The following LIPJ variants were observed in gnomAD, a reference collection of about 807,000 sequenced individuals.
LIPJ encodes lipase member J.
In LIPJ, 33 loss-of-function variants were observed where a neutral mutation model predicts 39.8. That is an observed-to-expected ratio of 0.83 (90% CI 0.63 to 1.11). The LOEUF (loss-of-function observed/expected upper bound fraction) is 1.11, where lower values mean the gene tolerates loss of function less well. Ranked by LOEUF, LIPJ falls within the 50% of genes least tolerant of loss-of-function variation. The pLI is 0.00. For synonymous variants in LIPJ, 128 were observed against 139.2 expected (o/e 0.92, Z 0.57); for missense variants, 422 against 427.9 (o/e 0.99, Z 0.12).
At chr10:88,589,731 T>A (rs1388153739) in intron 2 of LIPJ, among the ~76,000 whole-genome samples, 1 of 151,780 alleles carries the variant, frequency 6.6e-6, no homozygotes, top group Non-Finnish European at 1.5e-5. Context: ...ATAAGGAGGA[T>A]TGTTACATAT....
the LIPJ span, among the ~76,000 whole-genome samples, chr10:88,616,492 C>T: frequency 5.3e-5 from 8 of 152,260 alleles, no homozygotes; most frequent in Non-Finnish European, 7.3e-5. Flanking sequence ...CAGTTGGCGC[C>T]GAGCGCCCTT....
chr10:88,608,780 C>T (rs1437715826), downstream of LIPJ, among the ~76,000 whole-genome samples: 4 of 152,086 alleles, frequency 2.6e-5, no homozygotes, highest in Non-Finnish European at 5.9e-5. Context: ...GGCAGGGATC[C>T]TAAGGACTTC....
intron 10 of LIPJ, 112 bp downstream of exon 10, chr10:88,605,816 A>T: frequency 1.5e-6 from 1 of 670,398 alleles, no homozygotes; most frequent in Non-Finnish European, 2.6e-6. Flanking sequence ...CTGATTAAGG[A>T]CCAGCAGATG....
chr10:88,586,775 G>T (rs1171947704), exon 1 of LIPJ: 2 of 152,124 alleles, frequency 1.3e-5, no homozygotes, highest in East Asian at 3.8e-4. Flanking sequence ...GACTATGAGG[G>T]TTCACTATCT....
intron 8 of LIPJ, among the ~76,000 whole-genome samples, chr10:88,597,840 G>A (rs529460275): frequency 6.6e-6 from 1 of 151,876 alleles, no homozygotes; most frequent in East Asian, 1.9e-4. Flanking sequence ...ACTATGAGGG[G>A]CCTGGAAGAA....
chr10:88,611,006 A>G (rs1161786251), downstream of LIPJ, among the ~76,000 whole-genome samples: 1 of 152,130 alleles, frequency 6.6e-6, no homozygotes, highest in East Asian at 1.9e-4. Context: ...TCCTCACAGA[A>G]CCCACTTCAC....
At chr10:88,596,146 A>G in intron 6 of LIPJ, 134 bp from the exon 7 acceptor site, 1 of 569,894 alleles carries the variant, frequency 1.8e-6, no homozygotes, top group East Asian at 3.7e-5. Context: ...AAAATGTTTG[A>G]TAAATGAATT....
chr10:88,621,149 A>T, the LIPJ span, among the ~76,000 whole-genome samples: 1 of 152,220 alleles, frequency 6.6e-6, no homozygotes, highest in Admixed American at 6.5e-5. Context: ...ATATGATGCA[A>T]CAATCATATA....
the LIPJ span, among the ~76,000 whole-genome samples, chr10:88,613,796 A>ATGTGTG: frequency 1.9e-5 from 1 of 51,548 alleles, no homozygotes; most frequent in African/African-American, 6.5e-5. Context: ...ATATATATAT[A>ATGTGTG]TATATGTGTG....
chr10:88,598,442 G>A (rs1005898132), intron 8 of LIPJ, among the ~76,000 whole-genome samples: 5 of 151,900 alleles, frequency 3.3e-5, no homozygotes, highest in African/African-American at 4.8e-5. Flanking sequence ...AACAACCAAA[G>A]TTTTGACCTT....
downstream of LIPJ, chr10:88,606,978 C>T (rs1208616288): frequency 7.3e-7 from 1 of 1,373,028 alleles, no homozygotes; most frequent in African/African-American, 1.5e-5. Flanking sequence ...TTTTTTTTAC[C>T]TGTGTATGTT....
intron 10 of LIPJ, 92 bp from the exon 11 acceptor site, chr10:88,606,582 G>A: frequency 1.4e-6 from 1 of 715,672 alleles, no homozygotes; most frequent in Non-Finnish European, 2.3e-6. Context: ...TTTTAAAACA[G>A]TATTTAAACT....
At chr10:88,601,599 G>A (rs555279136) in intron 8 of LIPJ, among the ~76,000 whole-genome samples, 1 of 152,282 alleles carries the variant, frequency 6.6e-6, no homozygotes, top group East Asian at 1.9e-4. Flanking sequence ...CAGGATGAAA[G>A]TTGGGATTAA....
At chr10:88,586,750 G>C (rs1400500908), upstream of LIPJ, 2 of 152,110 alleles carry the variant, frequency 1.3e-5, no homozygotes, top group African/African-American at 4.8e-5. Flanking sequence ...TAGAATCAAA[G>C]TTAGAATTCT....
chr10:88,617,355 A>G, the LIPJ span, among the ~76,000 whole-genome samples: 1 of 152,030 alleles, frequency 6.6e-6, no homozygotes, highest in African/African-American at 2.4e-5. Context: ...AATTCAGAGG[A>G]ACCACTCAGT....
rs1033516634 is a variant in LIPJ, at chr10:88,591,641, A to G, written c.130+143A>G. 4 of 608,602 alleles carry G rather than the reference A, an allele frequency of 6.6e-6. 1 individual carries two copies. The allele number at this position is 608,602 out of a possible 1,614,324, so 37.7% of individuals were successfully genotyped here. On this transcript the variant is annotated intron_variant, in intron 4 of 10. Transcript: ENST00000371939. Reference sequence around the variant, plus strand: ...TCCCATGTATCTTCTCGCATGCTACAAGAAGAGTCACACAAGAAGATACAC... The same window carrying G: ...TCCCATGTATCTTCTCGCATGCTACGAGAAGAGTCACACAAGAAGATACAC...
At chr10:88,622,754 G>A in the LIPJ span, among the ~76,000 whole-genome samples, 3 of 152,254 alleles carry the variant, frequency 2.0e-5, no homozygotes, top group African/African-American at 7.2e-5. Context: ...TTATTAGAAA[G>A]CACTATGGAC....
chr10:88,606,412 AATT>A (rs1851666234), intron 10 of LIPJ, among the ~76,000 whole-genome samples: 1 of 152,186 alleles, frequency 6.6e-6, no homozygotes, highest in South Asian at 2.1e-4. Context: ...ACAGTACTGA[AATT>A]ACCTCTGTGA....
the LIPJ span, among the ~76,000 whole-genome samples, chr10:88,614,942 T>C: frequency 1.3e-5 from 2 of 152,138 alleles, no homozygotes; most frequent in Non-Finnish European, 2.9e-5. Flanking sequence ...GGGAAAACTT[T>C]GGGGTTTACA....
Sources: gnomAD v4.1 joint callset for allele counts (sites outside exome capture counted in the v4.1 genomes callset) on GRCh38, gnomAD v4.1.1 for gene constraint, MANE v1.5 for transcripts, NCBI Gene and HGNC (gene_info 2026-07-23, HGNC 2026-07-21) for gene names.